Variants in PCDHGA5 observed in about 807,000 individuals in gnomAD.
PCDHGA5 encodes the protein protocadherin gamma subfamily A, 5.
In PCDHGA5, 36 loss-of-function variants were observed where a neutral mutation model predicts 56.7. That is an observed-to-expected ratio of 0.64 (90% CI 0.49 to 0.84). The LOEUF (loss-of-function observed/expected upper bound fraction) is 0.84. PCDHGA5 is among the 40% of genes least tolerant of loss of function. The probability of loss-of-function intolerance (pLI) is 0.00; values close to 1 mark genes in which losing one functional copy is unlikely to be tolerated. For missense variants in PCDHGA5, 1,305 were observed against 1,201.5 expected (o/e 1.09, Z -1.27); for synonymous variants, 563 against 520.2 (o/e 1.08, Z -1.12).
At chr5:141,422,696 ACT>A in intron 1 of PCDHGA5, 1 of 1,602,756 alleles carries the variant, frequency 6.2e-7, no homozygotes, top group Non-Finnish European at 8.5e-7. Flanking sequence ...CTGGTCACTT[ACT>A]CTCTGACGGA....
intron 2 of PCDHGA5, among the ~76,000 whole-genome samples, chr5:141,500,739 C>T (rs1199462920): frequency 6.6e-6 from 1 of 152,114 alleles, no homozygotes; most frequent in Non-Finnish European, 1.5e-5. Context: ...CAAAATTCTT[C>T]CCAAGTCATT....
intron 1 of PCDHGA5, among the ~76,000 whole-genome samples, chr5:141,452,353 AG>A (rs556616398): frequency 5.9e-5 from 9 of 152,206 alleles, no homozygotes; most frequent in Non-Finnish European, 1.3e-4. Context: ...TTTATCCAAA[AG>A]CCTTGCTTCA....
intron 1 of PCDHGA5, chr5:141,389,008 G>C (rs1264850198): frequency 6.2e-7 from 1 of 1,613,992 alleles, no homozygotes; most frequent in Admixed American, 1.7e-5. Context: ...AAGGATTCCA[G>C]ACACAATGGA....
At position 141,414,415 on chromosome 5, in the gene PCDHGA5, C is replaced by T. The variant is rs769791452; in HGVS notation, c.2421+47664C>T. ...TTACAGATTGGTGATACACAGAGCC[C>T]TTGACAGGGAACAGGTATCCTCTTA... On this transcript the variant is annotated intron_variant, in intron 1 of 3. Coordinates refer to ENST00000518069, the MANE Select transcript of PCDHGA5 (RefSeq NM_018918.3). The T allele has an allele frequency of 2.5e-6, 4 of 1,613,758 alleles. No individual in the cohort carries two copies. Among genetic ancestry groups the T allele is most frequent in the Non-Finnish European group, 8.5e-7 (1 of 1,179,880 alleles).
chr5:141,377,273 A>G (rs910126061), intron 1 of PCDHGA5: 1 of 96,864 alleles, frequency 1.0e-5, no homozygotes, highest in African/African-American at 5.8e-5. Flanking sequence ...CTAATGTGGG[A>G]AAAAAAATAA....
intron 1 of PCDHGA5, among the ~76,000 whole-genome samples, chr5:141,455,160 G>GTT (rs59530096): frequency 1.3e-4 from 20 of 149,232 alleles, no homozygotes; most frequent in South Asian, 1.1e-3. Flanking sequence ...TAGTTTGTTG[G>GTT]TTTTTTTTTT....
chr5:141,400,290 C>T, intron 1 of PCDHGA5: 3 of 1,614,090 alleles, frequency 1.9e-6, no homozygotes, highest in Non-Finnish European at 2.5e-6. Context: ...CCGCCTGGAG[C>T]TGCTTCCAAC....
At chr5:141,374,269 C>G in intron 1 of PCDHGA5, 2 of 1,614,002 alleles carry the variant, frequency 1.2e-6, no homozygotes. Context: ...TGGCGGAGCA[C>G]GGAGTCCGCA....
chr5:141,415,651 A>C, intron 1 of PCDHGA5: 1 of 1,595,106 alleles, frequency 6.3e-7, no homozygotes. Context: ...TAAAAAAAAA[A>C]AGATTGGTTT....
intron 1 of PCDHGA5, among the ~76,000 whole-genome samples, chr5:141,452,745 GGAA>G (rs2098748194): frequency 6.6e-6 from 1 of 152,054 alleles, no homozygotes; most frequent in Non-Finnish European, 1.5e-5. Flanking sequence ...AGAGAGAGAA[GGAA>G]GAAGGAAGGG....
intron 1 of PCDHGA5, chr5:141,408,782 T>A: frequency 6.2e-7 from 1 of 1,612,108 alleles, no homozygotes. Context: ...ATACCCAGAG[T>A]TATCTCTGGA....
intron 1 of PCDHGA5, among the ~76,000 whole-genome samples, chr5:141,469,375 G>C (rs942714664): frequency 2.0e-5 from 3 of 152,076 alleles, no homozygotes; most frequent in African/African-American, 7.2e-5. Flanking sequence ...AAGAGATCGA[G>C]ACCATCCTGG....
intron 1 of PCDHGA5, among the ~76,000 whole-genome samples, chr5:141,468,047 G>A (rs901583535): frequency 2.0e-5 from 3 of 152,050 alleles, no homozygotes; most frequent in Non-Finnish European, 2.9e-5. Context: ...AAACTAAGCC[G>A]GGCACAGTGG....
chr5:141,398,344 C>T (rs901692894), intron 1 of PCDHGA5: 2 of 1,372,186 alleles, frequency 1.5e-6, no homozygotes, highest in Non-Finnish European at 2.0e-6. Context: ...TTCGGAGAAG[C>T]CTTACTTCAC....
At chr5:141,488,519 G>C (rs1210943979) in intron 1 of PCDHGA5, among the ~76,000 whole-genome samples, 1 of 152,184 alleles carries the variant, frequency 6.6e-6, no homozygotes, top group Non-Finnish European at 1.5e-5. Flanking sequence ...GGGGTCTGGG[G>C]TGTCAGAAAA....
At chr5:141,430,252 A>C (rs1292590200) in intron 1 of PCDHGA5, among the ~76,000 whole-genome samples, 1 of 102,244 alleles carries the variant, frequency 9.8e-6, no homozygotes, top group Admixed American at 1.0e-4. Context: ...CTAGGGAGAC[A>C]TCTCCATAAT....
chr5:141,429,476 A>T (rs1279691939), intron 1 of PCDHGA5, among the ~76,000 whole-genome samples: 1 of 152,112 alleles, frequency 6.6e-6, no homozygotes, highest in Non-Finnish European at 1.5e-5. Flanking sequence ...CAATCTCCAG[A>T]GTAGCTGAGA....
At chr5:141,383,802 A>G in intron 1 of PCDHGA5, 1 of 1,613,998 alleles carries the variant, frequency 6.2e-7, no homozygotes, top group Non-Finnish European at 8.5e-7. Context: ...CAGGAGAAAT[A>G]TCAACTTTAG....
At chr5:141,388,348 G>A in intron 1 of PCDHGA5, 1 of 1,613,974 alleles carries the variant, frequency 6.2e-7, no homozygotes, top group South Asian at 1.1e-5. Flanking sequence ...TTTATATTAG[G>A]ATCTGCCCAT....
Sources: allele counts gnomAD v4.1 joint callset (sites outside exome capture counted in the v4.1 genomes callset), GRCh38; gene constraint gnomAD v4.1.1; transcripts MANE v1.5; gene names NCBI Gene and HGNC (gene_info 2026-07-23, HGNC 2026-07-21).